PCDHGB2: variants seen among roughly 807,000 people sequenced by gnomAD.
The protein encoded by PCDHGB2 is protocadherin gamma-B2.
PCDHGB2 carries 55 observed loss-of-function variants against 59.3 expected under a neutral mutation model. The observed-to-expected ratio is 0.93, with a 90% CI of 0.75 to 1.16. The LOEUF (loss-of-function observed/expected upper bound fraction) is 1.16, where lower values mean the gene tolerates loss of function less well. PCDHGB2 is among the 50% of genes most tolerant of loss of function. The probability of loss-of-function intolerance (pLI) is 0.00; values close to 1 mark genes in which losing one functional copy is unlikely to be tolerated. For synonymous variants in PCDHGB2, 516 were observed against 512.0 expected, an observed-to-expected ratio of 1.01 and a Z score of -0.11; for missense variants, 1,228 against 1,198.5, an observed-to-expected ratio of 1.02 and a Z score of -0.36.
intron 1 of PCDHGB2, chr5:141,390,038 C>T: frequency 1.9e-6 from 3 of 1,614,060 alleles, no homozygotes; most frequent in Non-Finnish European, 2.5e-6. Flanking sequence ...GCTCCTCCAG[C>T]CCCGCCTCCT....
chr5:141,477,582 A>G lies in PCDHGB2; in HGVS notation c.2422-17225A>G. On this transcript the variant is annotated intron_variant, in intron 1 of 3. Transcript: ENST00000522605. This position sits in a 1 kb window ranked among gnomAD's most constrained non-coding sequence, Gnocchi z 4.9. Reference sequence around the variant, plus strand: ...GTCTGGGACCCCGACGCCCCGCAGAATGCTCGGCTTTCTTTCTTTCTCTTG... The same window carrying G: ...GTCTGGGACCCCGACGCCCCGCAGAGTGCTCGGCTTTCTTTCTTTCTCTTG... The G allele has an allele frequency of 6.2e-7, 1 of 1,614,190 alleles. No homozygotes were observed.
At chr5:141,506,092 G>A (rs1595997534) in intron 3 of PCDHGB2, among the ~76,000 whole-genome samples, 1 of 152,142 alleles carries the variant, frequency 6.6e-6, no homozygotes, top group Admixed American at 6.6e-5. Flanking sequence ...TTCGGCTAGT[G>A]GTGGTTGTCC....
At position 141,398,657 on chromosome 5, in the gene PCDHGB2, G is replaced by A. The variant is rs776950213; in HGVS notation, c.2421+36101G>A. 3.1e-6 allele frequency: 5 copies of A among 1,614,018 alleles called. No individual in the cohort carries two copies. In the South Asian group the frequency reaches 5.5e-5, roughly 18 times the overall value. On this transcript the variant is annotated intron_variant, in intron 1 of 3. Transcript: ENST00000522605. ...AAGTATAAACTCTCTCTTAACCCAA[G>A]TTTCTCATTAATAATTAAGGAGAAA...
intron 1 of PCDHGB2, among the ~76,000 whole-genome samples, chr5:141,455,201 CAATAAGAGTTTTT>C (rs1373301624): frequency 6.6e-6 from 1 of 151,722 alleles, no homozygotes; most frequent in Non-Finnish European, 1.5e-5. Flanking sequence ...AATTTACAAC[CAATAAGAGTTTTT>C]AATGCTTTGA....
At chr5:141,413,182 G>T (rs752788034) in intron 1 of PCDHGB2, 2 of 1,604,164 alleles carry the variant, frequency 1.2e-6, no homozygotes, top group Admixed American at 3.4e-5. Flanking sequence ...TACAATGGCC[G>T]CTCAAAGGAA....
intron 1 of PCDHGB2, among the ~76,000 whole-genome samples, chr5:141,401,123 C>A (rs1289456548): frequency 1.3e-5 from 2 of 152,156 alleles, no homozygotes; most frequent in Non-Finnish European, 2.9e-5. Flanking sequence ...GCGGTTGGAT[C>A]ACATGGTCAG....
chr5:141,499,689 C>CTTTTTTTT (rs545067566), intron 2 of PCDHGB2, among the ~76,000 whole-genome samples: 2 of 119,854 alleles, frequency 1.7e-5, no homozygotes, highest in Non-Finnish European at 1.7e-5. Context: ...TAACAGATGA[C>CTTTTTTTT]TTTTTTTTTT....
intron 1 of PCDHGB2, chr5:141,417,718 G>A: frequency 7.7e-7 from 1 of 1,304,720 alleles, no homozygotes; most frequent in Non-Finnish European, 1.0e-6. Flanking sequence ...GCTCCCGGCT[G>A]CGCAGACCTT....
rs768354664 is a variant in PCDHGB2 at position 141,485,690 on chromosome 5, A to C, written c.2422-9117A>C. On this transcript the variant is annotated intron_variant, in intron 1 of 3. Coordinates refer to ENST00000522605, the MANE Select transcript of PCDHGB2 (RefSeq NM_018923.3). This position sits in a 1 kb window ranked among gnomAD's most constrained non-coding sequence, Gnocchi z 5.7. ...CAATTCGATTAGCAGCTATAGGCTG[A>C]GCTCCAATGAACACTTTGCACTGGA... 1.6e-5 allele frequency: 26 copies of C among 1,614,106 alleles called. No individual in the cohort carries two copies. In the South Asian group the frequency reaches 2.7e-4, roughly 17 times the overall value.
chr5:141,508,867 G>A (rs2099872497), intron 3 of PCDHGB2, among the ~76,000 whole-genome samples: 1 of 152,108 alleles, frequency 6.6e-6, no homozygotes. Flanking sequence ...GGGAAAGGCT[G>A]AAGAGGCTGA....
Position 141,485,168 on chromosome 5 carries a change from G to A in PCDHGB2, c.2422-9639G>A. The A allele has an allele frequency of 6.2e-7, 1 of 1,608,668 alleles. No individual in the cohort carries two copies. Among genetic ancestry groups the A allele is most frequent in the Non-Finnish European group, 8.5e-7 (1 of 1,175,736 alleles). ...GGAGCAAGTAGAGAATTAGCGGGCG[G>A]CAGCAATGCTCCGCAAGGTGAGAAG... is the stretch of plus-strand genomic sequence containing the variant. On this transcript the variant is annotated intron_variant, in intron 1 of 3. Coordinates refer to ENST00000522605, the MANE Select transcript of PCDHGB2 (RefSeq NM_018923.3). This position sits in a 1 kb window ranked among gnomAD's most constrained non-coding sequence, Gnocchi z 5.7.
chr5:141,510,221 C>T lies in PCDHGB2; in HGVS notation c.2570-726C>T, dbSNP rs891359580. On this transcript the variant is annotated intron_variant, in intron 3 of 3. Transcript: ENST00000522605. The stretch of plus-strand genomic sequence containing the variant: ...CCAGGAGGCAGAGGTTGCAGTGAGC[C>T]GGGATCGCGCCACTGCACTCCAGGC... Among the ~76,000 whole-genome samples, 12 of 150,616 alleles carry T rather than the reference C, an allele frequency of 8.0e-5. No homozygotes were observed. In the East Asian group the frequency reaches 1.2e-3, roughly 15 times the overall value.
chr5:141,388,434 G>A (rs767784412), intron 1 of PCDHGB2: 3 of 1,613,878 alleles, frequency 1.9e-6, no homozygotes, highest in Non-Finnish European at 2.5e-6. Flanking sequence ...GATAAATAAA[G>A]AGAAATCAGA....
At position 141,413,788 on chromosome 5, in the gene PCDHGB2, G is replaced by A. The variant is rs2095678300; in HGVS notation, c.2421+51232G>A. The A allele has an allele frequency of 2.1e-5, 34 of 1,613,166 alleles. No individual in the cohort carries two copies. Among genetic ancestry groups the A allele is most frequent in the Non-Finnish European group, 2.8e-5 (33 of 1,179,876 alleles). ...GGAGCTGGTACTGGAGCACTCCCTA[G>A]ATCGCGAGGAAGAGGCCATTCACCA... is the stretch of plus-strand genomic sequence containing the variant. On this transcript the variant is annotated intron_variant, in intron 1 of 3. Coordinates refer to ENST00000522605, the MANE Select transcript of PCDHGB2 (RefSeq NM_018923.3).
intron 1 of PCDHGB2, among the ~76,000 whole-genome samples, chr5:141,466,360 G>A (rs2099121274): frequency 6.6e-6 from 1 of 152,070 alleles, no homozygotes; most frequent in South Asian, 2.1e-4. Context: ...TAATCTAGAT[G>A]TAATGGTTTT....
chr5:141,404,079 C>G lies in PCDHGB2; in HGVS notation c.2421+41523C>G, dbSNP rs768434673. On this transcript the variant is annotated intron_variant, in intron 1 of 3. Transcript: ENST00000522605. ...CTTTTCAATGCTCATGACCGAGACT[C>G]CGGGAAGAATGGTCAAGTTGTCTGT... 3.1e-6 allele frequency: 5 copies of G among 1,613,568 alleles called. No homozygotes were observed. In the East Asian group the frequency reaches 1.1e-4, roughly 36 times the overall value.
In PCDHGB2 at chr5:141,432,695, G is replaced by A. The variant is rs1275179569; in HGVS notation, c.2422-62112G>A. ...GCTCAAGCAGAGCCTCGTAGTGGCC[G>A]TCCAGGACCACGGCCAGCCCCCTCT... On this transcript the variant is annotated intron_variant, in intron 1 of 3. Coordinates refer to ENST00000522605, the MANE Select transcript of PCDHGB2 (RefSeq NM_018923.3). This position sits in a 1 kb window ranked among gnomAD's most constrained non-coding sequence, Gnocchi z 6.0. The A allele has an allele frequency of 3.1e-6, 5 of 1,613,822 alleles. No homozygotes were observed. The highest frequency in any genetic ancestry group is 1.7e-5 in the Admixed American group (1 of 60,002).
chr5:141,458,509 CTTTGT>C (rs1181745590), intron 1 of PCDHGB2, among the ~76,000 whole-genome samples: 1 of 149,986 alleles, frequency 6.7e-6, no homozygotes, highest in Non-Finnish European at 1.5e-5. Context: ...CTGTTTGACA[CTTTGT>C]TTTTTTTTTT....
intron 2 of PCDHGB2, among the ~76,000 whole-genome samples, chr5:141,498,847 C>T (rs932801278): frequency 1.3e-5 from 2 of 151,856 alleles, no homozygotes; most frequent in Admixed American, 1.3e-4. Flanking sequence ...GCAGGGGAAT[C>T]GCTTGAACCC....
Sources: allele counts gnomAD v4.1 joint callset (sites outside exome capture counted in the v4.1 genomes callset), GRCh38; gene constraint gnomAD v4.1.1; non-coding constraint Gnocchi (gnomAD v3.1); transcripts MANE v1.5; gene names NCBI Gene and HGNC (gene_info 2026-07-23, HGNC 2026-07-21).